Variants in PPP1R12B observed in about 807,000 individuals in gnomAD.
PPP1R12B encodes the protein myosin phosphatase target subunit 2.
In PPP1R12B, 76 loss-of-function variants were observed where a neutral mutation model predicts 126.1. The ratio of observed to expected loss-of-function variants is 0.60; its 90% CI spans 0.50 to 0.73. The LOEUF (loss-of-function observed/expected upper bound fraction) is 0.73, where lower values mean the gene tolerates loss of function less well. PPP1R12B is among the 30% of genes least tolerant of loss of function. PPP1R12B has a pLI of 0.00. For missense variants in PPP1R12B, 1,052 were observed against 1,205.1 expected, an observed-to-expected ratio of 0.87 and a Z score of 1.88; for synonymous variants, 356 against 434.7, an observed-to-expected ratio of 0.82 and a Z score of 2.25.
intron 1 of PPP1R12B, among the ~76,000 whole-genome samples, chr1:202,373,825 C>T (rs1339217314): frequency 2.0e-5 from 3 of 152,090 alleles, no homozygotes; most frequent in Non-Finnish European, 2.9e-5. Flanking sequence ...GAAAAGTGTA[C>T]ATAAAACACA....
intron 13 of PPP1R12B, among the ~76,000 whole-genome samples, chr1:202,476,204 CAA>C (rs34552523): frequency 1.2e-4 from 10 of 80,124 alleles, no homozygotes; most frequent in African/African-American, 1.5e-4. Flanking sequence ...GACTCTGTCT[CAA>C]AAAAAAAAAA....
At chr1:202,428,603 G>T (rs1669841189) in intron 5 of PPP1R12B, 4 of 422,326 alleles carry the variant, frequency 9.5e-6, no homozygotes, top group Non-Finnish European at 1.7e-5. Flanking sequence ...CCAGGTGGCA[G>T]TAAGGATTAG....
At chr1:202,445,831 G>A (rs1254829271) in intron 12 of PPP1R12B, among the ~76,000 whole-genome samples, 2 of 152,244 alleles carry the variant, frequency 1.3e-5, no homozygotes, top group African/African-American at 4.8e-5. Flanking sequence ...TACTGTGAAA[G>A]TACATTAGGA....
chr1:202,507,896 T>TCTAGCC (rs1157377265), intron 18 of PPP1R12B, among the ~76,000 whole-genome samples: 4 of 152,226 alleles, frequency 2.6e-5, no homozygotes, highest in African/African-American at 9.6e-5. Context: ...ATGTTAGAGT[T>TCTAGCC]CTAGCCCCAT....
chr1:202,369,967 T>C (rs1234460785), intron 1 of PPP1R12B: 2 of 156,206 alleles, frequency 1.3e-5, no homozygotes, highest in African/African-American at 4.8e-5. Context: ...GGCTAATTTT[T>C]GTATTTTTTA....
At chr1:202,351,220 TG>T (rs1322339002) in intron 1 of PPP1R12B, among the ~76,000 whole-genome samples, 1 of 149,870 alleles carries the variant, frequency 6.7e-6, no homozygotes, top group Non-Finnish European at 1.5e-5. Flanking sequence ...TTTTTGTTGT[TG>T]TTGTTGTTGT....
chr1:202,530,110 C>T (rs1001542883), intron 18 of PPP1R12B, among the ~76,000 whole-genome samples: 3 of 152,152 alleles, frequency 2.0e-5, no homozygotes, highest in African/African-American at 7.2e-5. Context: ...ATAATATACC[C>T]TGTTAGTGCT....
intron 1 of PPP1R12B, among the ~76,000 whole-genome samples, chr1:202,361,497 A>G (rs1386627963): frequency 6.6e-6 from 1 of 152,188 alleles, no homozygotes; most frequent in Non-Finnish European, 1.5e-5. Context: ...ATTGCCATGG[A>G]AAGGACACCA....
chr1:202,494,365 A>G (rs1336608074), intron 15 of PPP1R12B, among the ~76,000 whole-genome samples: 1 of 152,220 alleles, frequency 6.6e-6, no homozygotes, highest in African/African-American at 2.4e-5. Context: ...AACTTATTCA[A>G]GGTCACAGCT....
intron 12 of PPP1R12B, chr1:202,448,491 G>A (rs1020837102): frequency 6.5e-6 from 1 of 154,848 alleles, no homozygotes; most frequent in South Asian, 2.0e-4. Context: ...AGTATCAGTT[G>A]TCTCTGGATA....
At chr1:202,382,335 A>T (rs1662432888) in intron 1 of PPP1R12B, among the ~76,000 whole-genome samples, 1 of 151,718 alleles carries the variant, frequency 6.6e-6, no homozygotes, top group Non-Finnish European at 1.5e-5. Flanking sequence ...TGATGAGTTA[A>T]TGGGTGCAGT....
intron 10 of PPP1R12B, chr1:202,439,563 A>G (rs1671337095): frequency 1.4e-6 from 2 of 1,467,784 alleles, no homozygotes; most frequent in South Asian, 1.2e-5. Context: ...TCCTGCCAGG[A>G]ACTGACCACC....
intron 18 of PPP1R12B, among the ~76,000 whole-genome samples, chr1:202,506,767 T>C (rs1416120678): frequency 1.3e-5 from 2 of 152,212 alleles, no homozygotes; most frequent in Non-Finnish European, 2.9e-5. Context: ...AAAAAATGTT[T>C]ATAAAAGATA....
intron 13 of PPP1R12B, among the ~76,000 whole-genome samples, chr1:202,488,063 G>A (rs937312717): frequency 5.3e-5 from 8 of 152,144 alleles, no homozygotes; most frequent in Non-Finnish European, 7.4e-5. Flanking sequence ...TAATAAAATA[G>A]AACAGTTATA....
At chr1:202,542,409 G>A (rs1031673871) in intron 18 of PPP1R12B, among the ~76,000 whole-genome samples, 117 of 152,190 alleles carry the variant, frequency 7.7e-4, no homozygotes, top group Non-Finnish European at 1.5e-3. Context: ...CAACTAGTAA[G>A]CAGCAGAGCC....
chr1:202,564,100 A>C (rs1328727786), intron 20 of PPP1R12B, among the ~76,000 whole-genome samples: 3 of 152,186 alleles, frequency 2.0e-5, no homozygotes, highest in Non-Finnish European at 4.4e-5. Context: ...ATGTTTTGTT[A>C]AGCAGAACTT....
chr1:202,568,356 C>T (rs1016232498), intron 22 of PPP1R12B, among the ~76,000 whole-genome samples: 3 of 152,254 alleles, frequency 2.0e-5, no homozygotes, highest in African/African-American at 7.2e-5. Context: ...CTGATCTCCT[C>T]CCAACTGTAC....
chr1:202,397,315 C>A (rs1035438161), intron 1 of PPP1R12B, among the ~76,000 whole-genome samples: 7 of 152,224 alleles, frequency 4.6e-5, no homozygotes, highest in African/African-American at 1.7e-4. Flanking sequence ...GAAACACTTT[C>A]ATCCTATGAC....
intron 1 of PPP1R12B, among the ~76,000 whole-genome samples, chr1:202,392,782 C>T (rs1239600800): frequency 6.6e-6 from 1 of 152,062 alleles, no homozygotes; most frequent in Non-Finnish European, 1.5e-5. Context: ...CTGCCTAAGC[C>T]TCCCATAAGT....
Sources: gnomAD v4.1 joint callset for allele counts (sites outside exome capture counted in the v4.1 genomes callset) on GRCh38, gnomAD v4.1.1 for gene constraint, MANE v1.5 for transcripts, NCBI Gene and HGNC (gene_info 2026-07-23, HGNC 2026-07-21) for gene names.